Variants in DDX17 observed in about 807,000 individuals in gnomAD.
The protein encoded by DDX17 is DEAD-box helicase 17.
In DDX17, 10 loss-of-function variants were observed where a neutral mutation model predicts 80.8. The observed-to-expected ratio is 0.12, with a 90% CI of 0.08 to 0.21. The LOEUF is 0.21. Ranked by LOEUF, DDX17 falls within the 10% of genes least tolerant of loss-of-function variation. DDX17 has a pLI of 1.00. For missense variants in DDX17, 586 were observed against 957.4 expected (o/e 0.61, Z 5.12); for synonymous variants, 339 against 336.2 (o/e 1.01, Z -0.09).
chr22:38,500,356 A>T (rs2089815152), intron 2 of DDX17, among the ~76,000 whole-genome samples: 1 of 152,080 alleles, frequency 6.6e-6, no homozygotes, highest in Non-Finnish European at 1.5e-5. Context: ...TAAGAATGTA[A>T]GAAAGGCTGG....
rs1266880430 is a variant in DDX17 at position 38,494,613 on chromosome 22, T to C, written c.1214+17A>G. On this transcript the variant is annotated intron_variant, in intron 8 of 12. Transcript: ENST00000403230. ...GTTTATCAGCATTATCAAATCAGAG[T>C]AAAATATCTTTCATACTTGTGGTCT... 16 of 1,612,190 alleles carry C rather than the reference T, an allele frequency of 9.9e-6. 1 individual carries two copies. In the South Asian group the frequency reaches 1.4e-4, roughly 14 times the overall value.
rs532698942 is a variant in DDX17 at position 38,501,046 on chromosome 22, G to T, written c.438+84C>A. Reference sequence around the variant, plus strand: ...CCACACTAGAATAAAATGTAAAACGGCAACAGTAGCGTATGAATAAACTCT... The same window carrying T: ...CCACACTAGAATAAAATGTAAAACGTCAACAGTAGCGTATGAATAAACTCT... On this transcript the variant is annotated intron_variant, in intron 2 of 12. Coordinates refer to ENST00000403230, the MANE Select transcript of DDX17 (RefSeq NM_006386.5). 2.3e-5 allele frequency: 33 copies of T among 1,466,040 alleles called. No individual in the cohort carries two copies. In the South Asian group the frequency reaches 3.9e-4, roughly 17 times the overall value. The allele number at this position is 1,466,040 out of a possible 1,614,324, so 90.8% of individuals were successfully genotyped here.
At chr22:38,500,993 A>T (rs2089824386) in intron 2 of DDX17, 137 bp downstream of exon 2, 2 of 1,166,020 alleles carry the variant, frequency 1.7e-6, no homozygotes, top group Non-Finnish European at 2.3e-6. Context: ...AAAAAAATTA[A>T]CCAAAAAATT....
Position 38,501,103 on chromosome 22 carries a change from TACATTAAAACAC to T in DDX17, c.438+15_438+26del, listed in dbSNP as rs1234297720. ...TATATCTACTTGGTTCAATAATCTG[TACATTAAAACAC>T]ACATGTAAACTTACTGGTGTCAGCC... On this transcript the variant is annotated intron_variant, in intron 2 of 12. Transcript: ENST00000403230. The T allele has an allele frequency of 6.2e-7, 1 of 1,609,080 alleles. No homozygotes were observed. Among genetic ancestry groups the T allele is most frequent in the Non-Finnish European group, 8.5e-7 (1 of 1,178,684 alleles).
rs1334925821 is a variant in DDX17 at position 38,485,558 on chromosome 22, AAAC to A, written c.*374_*376del. 17 of 151,686 alleles carry A rather than the reference AAAC, an allele frequency of 1.1e-4. No homozygotes were observed. The highest frequency in any genetic ancestry group is 4.1e-4 in the African/African-American group (17 of 41,168). The allele number at this position is 151,686 out of a possible 1,614,324, so 9.4% of individuals were successfully genotyped here. A position where few individuals can be genotyped will look rare whatever the true frequency, so the allele number is the denominator to read the frequency against. On this transcript the variant is annotated 3_prime_UTR_variant, in exon 13 of 13. Coordinates refer to ENST00000403230, the MANE Select transcript of DDX17 (RefSeq NM_006386.5). ...TCCCTCCCTCCCCACCAACTCAGAA[AAAC>A]AAAACATGGGGCTCCCACAAAAGGG... is the stretch of plus-strand genomic sequence containing the variant.
At chr22:38,503,944 T>C (rs938904340) in intron 1 of DDX17, among the ~76,000 whole-genome samples, 1 of 152,234 alleles carries the variant, frequency 6.6e-6, no homozygotes, top group South Asian at 2.1e-4. Context: ...GCTAGTTCGT[T>C]TGAAATTTTT....
chr22:38,496,848 C>T (rs1387693118), intron 5 of DDX17, among the ~76,000 whole-genome samples: 1 of 152,114 alleles, frequency 6.6e-6, no homozygotes, highest in Non-Finnish European at 1.5e-5. Context: ...AATTATGAAA[C>T]TTGCTTTATA....
chr22:38,503,893 T>C (rs2089854946), intron 1 of DDX17, among the ~76,000 whole-genome samples: 2 of 152,238 alleles, frequency 1.3e-5, no homozygotes, highest in African/African-American at 4.8e-5. Flanking sequence ...AGAACATTTC[T>C]TGGGAAAGGG....
In DDX17 at chr22:38,483,669, G is replaced by C. The variant is rs1875790743; in HGVS notation, c.*2266C>G. On this transcript the variant is annotated 3_prime_UTR_variant, in exon 13 of 13. Coordinates refer to ENST00000403230, the MANE Select transcript of DDX17 (RefSeq NM_006386.5). ...CAAAAGCCACTAACCTTTTAGATGAGAAGTCCACACAACGAATTGTTAGGG... is the reference window on the plus strand; with the variant it reads ...CAAAAGCCACTAACCTTTTAGATGACAAGTCCACACAACGAATTGTTAGGG... The C allele has an allele frequency of 6.6e-6, 1 of 152,602 alleles. No individual in the cohort carries two copies. Among genetic ancestry groups the C allele is most frequent in the Non-Finnish European group, 1.5e-5 (1 of 68,050 alleles). The allele number at this position is 152,602 out of a possible 1,614,324, so 9.5% of individuals were successfully genotyped here. A position where few individuals can be genotyped will look rare whatever the true frequency, so the allele number is the denominator to read the frequency against.
At position 38,500,492 on chromosome 22, in the gene DDX17, T is replaced by C. The variant is rs570813795; in HGVS notation, c.438+638A>G. 1.6e-3 allele frequency among the ~76,000 whole-genome samples: 242 copies of C among 151,056 alleles called. 1 individual carries two copies. The highest frequency in any genetic ancestry group is 3.1e-3 in the Admixed American group (47 of 15,174). On this transcript the variant is annotated intron_variant, in intron 2 of 12. Transcript: ENST00000403230. ...CCTGACTCTTGCACTCCAGCCTGGG[T>C]GACAGAGCAAGATTCCGTCTCAAAA...
At chr22:38,494,606 A>G in intron 8 of DDX17, 24 bp downstream of exon 8, 1 of 1,610,376 alleles carries the variant, frequency 6.2e-7, no homozygotes, top group South Asian at 1.1e-5. Flanking sequence ...GCATTATCAA[A>G]TCAGAGTAAA....
In DDX17 at chr22:38,494,674, G is replaced by A. The variant is rs1366993211; in HGVS notation, c.1170C>T (p.Ile390=). The A allele has an allele frequency of 1.2e-6, 2 of 1,614,170 alleles. No individual in the cohort carries two copies. The highest frequency in any genetic ancestry group is 2.2e-5 in the South Asian group (2 of 91,080). ...CCATGCAGACATCCACTATCTGGAG[G>A]ATGTTGTGGTTGGCACTCAACTCCA... is the stretch of plus-strand genomic sequence containing the variant. Residue 390 remains isoleucine (I), a synonymous_variant, in exon 8 of 13, where the codon ATC becomes ATT. Coordinates refer to ENST00000403230, the MANE Select transcript of DDX17 (RefSeq NM_006386.5).
Position 38,484,500 on chromosome 22 carries a change from C to G in DDX17, c.*1435G>C, listed in dbSNP as rs537739738. On this transcript the variant is annotated 3_prime_UTR_variant, in exon 13 of 13. Coordinates refer to ENST00000403230, the MANE Select transcript of DDX17 (RefSeq NM_006386.5). The stretch of plus-strand genomic sequence containing the variant: ...CCTTAGCCAAAGAATGCAGTGGAGC[C>G]TTCCCCCTTCAACTGCATTGTGAAT... 6.6e-6 allele frequency: 1 copy of G among 152,312 alleles called. No individual in the cohort carries two copies. The highest frequency in any genetic ancestry group is 1.9e-4 in the East Asian group (1 of 5,188). 9.4% of individuals were successfully genotyped at this position (152,312 alleles called of 1,614,324 possible).
chr22:38,499,558 T>C (rs1333833179), intron 2 of DDX17, 59 bp from the exon 3 acceptor site: 51 of 1,349,452 alleles, frequency 3.8e-5, no homozygotes, highest in Non-Finnish European at 5.1e-5. Context: ...TCAGAATTTA[T>C]GTTCCAAGCT....
intron 2 of DDX17, among the ~76,000 whole-genome samples, chr22:38,500,048 T>G (rs1432276095): frequency 6.7e-6 from 1 of 150,126 alleles, no homozygotes; most frequent in African/African-American, 2.5e-5. Flanking sequence ...TGGTGGCACA[T>G]GTCTGTAATC....
chr22:38,494,573 G>C, intron 8 of DDX17, 57 bp downstream of exon 8: 1 of 1,538,364 alleles, frequency 6.5e-7, no homozygotes, highest in South Asian at 1.2e-5. Flanking sequence ...TAATTTTGGA[G>C]GGTTATTAGA....
intron 7 of DDX17, 21 bp from the exon 8 acceptor site, chr22:38,494,823 T>G (rs1042940638): frequency 6.2e-7 from 1 of 1,614,060 alleles, no homozygotes; most frequent in Non-Finnish European, 8.5e-7. Context: ...AGGAAAGGCT[T>G]TCTTTCAGGC....
rs2089691846 is a variant in DDX17 at position 38,489,335 on chromosome 22, C to G, written c.1448-1220G>C. On this transcript the variant is annotated intron_variant, in intron 11 of 12. Transcript: ENST00000403230. The surrounding 1 kb of genome is among the most constrained non-coding windows in gnomAD (Gnocchi z 4.6). ...AAAACTCCGCCTTCTGACACGGGAC[C>G]ACTGGAGCGCGGGGAGCATGCATCA... 1.0e-6 allele frequency: 1 copy of G among 985,594 alleles called. No homozygotes were observed. The highest frequency in any genetic ancestry group is 1.2e-6 in the Non-Finnish European group (1 of 829,924). 61.1% of individuals were successfully genotyped at this position (985,594 alleles called of 1,614,324 possible).
At chr22:38,505,101 A>T (rs1184868377) in intron 1 of DDX17, 3 of 151,994 alleles carry the variant, frequency 2.0e-5, no homozygotes, top group African/African-American at 7.3e-5. Context: ...TAGAAACGGG[A>T]TTTCTCCATG....
Sources: gnomAD v4.1 joint callset for allele counts (sites outside exome capture counted in the v4.1 genomes callset) on GRCh38, gnomAD v4.1.1 for gene constraint, Gnocchi (gnomAD v3.1) non-coding constraint, MANE v1.5 for transcripts, NCBI Gene and HGNC (gene_info 2026-07-23, HGNC 2026-07-21) for gene names.